Variants in LPAR3 observed in about 807,000 individuals in gnomAD.
LPAR3 encodes lysophosphatidic acid receptor 3, also known as LPA receptor 3.
A neutral mutation model predicts 17.8 loss-of-function variants in LPAR3; 7 were observed. The observed-to-expected ratio is 0.39, with a 90% CI of 0.22 to 0.74. LPAR3 has a LOEUF of 0.74. LPAR3 is among the 30% of genes least tolerant of loss of function. The probability of loss-of-function intolerance (pLI) is 0.40; values close to 1 mark genes in which losing one functional copy is unlikely to be tolerated. For missense variants in LPAR3, 391 were observed against 453.4 expected (o/e 0.86, Z 1.25); for synonymous variants, 179 against 179.9 (o/e 0.99, Z 0.04).
At chr1:84,821,644 T>C (rs17377758) in intron 2 of LPAR3, among the ~76,000 whole-genome samples, 11,713 of 152,262 alleles carry the variant, frequency 0.077, 573 homozygotes, top group Middle Eastern at 0.17. Flanking sequence ...GGAATGCTTT[T>C]GCGTGGTAAA....
At chr1:84,848,490 C>A (rs1191712762) in intron 2 of LPAR3, among the ~76,000 whole-genome samples, 1 of 152,204 alleles carries the variant, frequency 6.6e-6, no homozygotes, top group Non-Finnish European at 1.5e-5. Context: ...CCAAAATATT[C>A]TCCAGGCTCA....
intron 1 of LPAR3, among the ~76,000 whole-genome samples, chr1:84,867,601 C>CT (rs1450078005): frequency 6.6e-6 from 1 of 151,676 alleles, no homozygotes; most frequent in African/African-American, 2.4e-5. Flanking sequence ...TTAGATATTG[C>CT]TTTTTGGCCA....
intron 1 of LPAR3, among the ~76,000 whole-genome samples, chr1:84,885,863 A>C (rs1660450624): frequency 6.6e-6 from 1 of 152,244 alleles, no homozygotes. Context: ...TAACTGCCAG[A>C]GAAGATATGT....
chr1:84,850,272 A>G (rs1277028946), intron 2 of LPAR3, among the ~76,000 whole-genome samples: 1 of 151,922 alleles, frequency 6.6e-6, no homozygotes, highest in South Asian at 2.1e-4. Flanking sequence ...AAGACTAACA[A>G]TCAAGCTGGG....
chr1:84,876,381 G>A (rs1025109637), intron 1 of LPAR3, among the ~76,000 whole-genome samples: 33 of 152,116 alleles, frequency 2.2e-4, no homozygotes, highest in African/African-American at 8.0e-4. Flanking sequence ...TCCAGCTTCT[G>A]CCAATGAGAG....
chr1:84,892,521 A>G (rs994165475), intron 1 of LPAR3, among the ~76,000 whole-genome samples: 1 of 152,248 alleles, frequency 6.6e-6, no homozygotes, highest in Non-Finnish European at 1.5e-5. Context: ...CCGAATCTCT[A>G]GAAGCCTGCA....
chr1:84,875,789 C>T (rs1660244735), intron 1 of LPAR3, among the ~76,000 whole-genome samples: 1 of 152,126 alleles, frequency 6.6e-6, no homozygotes, highest in Non-Finnish European at 1.5e-5. Flanking sequence ...ACTGTGGTAC[C>T]ATATTCCCTT....
intron 1 of LPAR3, among the ~76,000 whole-genome samples, chr1:84,880,169 A>C (rs151074370): frequency 0.052 from 7,904 of 152,144 alleles, 369 homozygotes; most frequent in African/African-American, 0.12. Context: ...ATCTCTACTA[A>C]AAAGTACAAA....
At chr1:84,825,569 C>T (rs997468547) in intron 2 of LPAR3, among the ~76,000 whole-genome samples, 3 of 152,180 alleles carry the variant, frequency 2.0e-5, no homozygotes, top group Admixed American at 6.5e-5. Context: ...GGAGGCGATG[C>T]AAAGGGGCTC....
chr1:84,815,873 A>G (rs555944576), intron 2 of LPAR3, among the ~76,000 whole-genome samples: 3 of 152,330 alleles, frequency 2.0e-5, no homozygotes, highest in Admixed American at 1.3e-4. Context: ...TTTCATAATT[A>G]CGGTTCAGCA....
At chr1:84,815,344 C>T (rs747337436) in intron 2 of LPAR3, among the ~76,000 whole-genome samples, 1 of 152,130 alleles carries the variant, frequency 6.6e-6, no homozygotes, top group Non-Finnish European at 1.5e-5. Flanking sequence ...TCATCTGAAG[C>T]TAACAATGTG....
At chr1:84,892,397 T>G (rs925824103) in intron 1 of LPAR3, among the ~76,000 whole-genome samples, 3 of 152,120 alleles carry the variant, frequency 2.0e-5, no homozygotes, top group African/African-American at 7.2e-5. Context: ...CTGCAACTTG[T>G]TGAGGGAAAG....
intron 2 of LPAR3, among the ~76,000 whole-genome samples, chr1:84,836,003 G>A (rs146608212): frequency 0.011 from 1,330 of 124,604 alleles, 35 homozygotes; most frequent in African/African-American, 0.038. Context: ...CCCCAACCCC[G>A]GCCTTTTTTT....
At chr1:84,814,302 C>T (rs928102878) in intron 2 of LPAR3, 131 bp from the exon 3 acceptor site, 6 of 681,228 alleles carry the variant, frequency 8.8e-6, no homozygotes, top group Non-Finnish European at 1.5e-5. Flanking sequence ...GCAAGGCAAA[C>T]TTCCACCTAC....
intron 2 of LPAR3, among the ~76,000 whole-genome samples, chr1:84,839,024 C>A (rs1659454633): frequency 6.6e-6 from 1 of 152,206 alleles, no homozygotes; most frequent in Admixed American, 6.5e-5. Context: ...AAAATGGTAA[C>A]TTACACTTAT....
chr1:84,852,273 G>T (rs1418550902), intron 2 of LPAR3, among the ~76,000 whole-genome samples: 1 of 152,062 alleles, frequency 6.6e-6, no homozygotes, highest in African/African-American at 2.4e-5. Flanking sequence ...AGTAGATGGG[G>T]TTTCACCATG....
intron 1 of LPAR3, among the ~76,000 whole-genome samples, chr1:84,877,878 G>A (rs963718097): frequency 1.3e-5 from 2 of 152,138 alleles, no homozygotes; most frequent in African/African-American, 2.4e-5. Context: ...GTAAGTAGAT[G>A]CACAACAAAT....
rs922882233 is a variant in LPAR3 at position 84,813,205 on chromosome 1, A to C, written c.*641T>G. 2 of 146,366 alleles carry C rather than the reference A, an allele frequency of 1.4e-5. No individual in the cohort carries two copies. Among genetic ancestry groups the C allele is most frequent in the African/African-American group, 2.5e-5 (1 of 39,628 alleles). 9.1% of individuals were successfully genotyped at this position (146,366 alleles called of 1,614,324 possible). On this transcript the variant is annotated 3_prime_UTR_variant, in exon 3 of 3. Transcript: ENST00000370611. ...CACACATGCATATACACACACATGCATGGAGGACCATACTAAGGCCTTTTT... is the reference window on the plus strand; with the variant it reads ...CACACATGCATATACACACACATGCCTGGAGGACCATACTAAGGCCTTTTT...
At chr1:84,827,577 G>A (rs999218290) in intron 2 of LPAR3, among the ~76,000 whole-genome samples, 1 of 152,160 alleles carries the variant, frequency 6.6e-6, no homozygotes, top group African/African-American at 2.4e-5. Context: ...TGGGCGATAT[G>A]ACTGGAGAGC....
Sources: allele counts gnomAD v4.1 joint callset (sites outside exome capture counted in the v4.1 genomes callset), GRCh38; gene constraint gnomAD v4.1.1; transcripts MANE v1.5; gene names NCBI Gene and HGNC (gene_info 2026-07-23, HGNC 2026-07-21).